KCNN3: variants seen among roughly 807,000 people sequenced by gnomAD.
KCNN3 encodes small conductance calcium-activated potassium channel protein 3.
In KCNN3, 16 loss-of-function variants were observed where a neutral mutation model predicts 62.9. The observed-to-expected ratio is 0.25, with a 90% CI of 0.17 to 0.39. KCNN3 has a LOEUF of 0.39. KCNN3 is among the 10% of genes least tolerant of loss of function. The pLI is 1.00. For missense variants in KCNN3, 599 were observed against 949.4 expected, an observed-to-expected ratio of 0.63 and a Z score of 4.85; for synonymous variants, 370 against 389.2, an observed-to-expected ratio of 0.95 and a Z score of 0.58.
chr1:154,832,011 G>T (rs1019828849), intron 1 of KCNN3, among the ~76,000 whole-genome samples: 4 of 152,006 alleles, frequency 2.6e-5, no homozygotes, highest in African/African-American at 9.7e-5. Context: ...TAGAACCCAG[G>T]TGTTGGGGCT....
At chr1:154,815,370 A>G (rs1650619695) in intron 2 of KCNN3, among the ~76,000 whole-genome samples, 1 of 151,822 alleles carries the variant, frequency 6.6e-6, no homozygotes, top group African/African-American at 2.4e-5. Context: ...CTTTGTCCTG[A>G]GCATACAAGG....
chr1:154,762,601 A>T (rs1471779215), intron 3 of KCNN3, among the ~76,000 whole-genome samples: 1 of 152,218 alleles, frequency 6.6e-6, no homozygotes, highest in East Asian at 1.9e-4. Flanking sequence ...TTCTAGCATA[A>T]CATTTGCTCT....
chr1:154,856,462 C>A (rs778235711), intron 1 of KCNN3, among the ~76,000 whole-genome samples: 2 of 152,172 alleles, frequency 1.3e-5, no homozygotes, highest in Non-Finnish European at 2.9e-5. Flanking sequence ...CTGGTGCTCA[C>A]GACCTTCCCG....
intron 1 of KCNN3, among the ~76,000 whole-genome samples, chr1:154,845,845 T>A (rs1652034463): frequency 6.6e-6 from 1 of 152,192 alleles, no homozygotes; most frequent in Admixed American, 6.5e-5. Flanking sequence ...ATAATAGTAA[T>A]AAAACCCTAA....
At chr1:154,711,092 C>A (rs1380320177) in intron 7 of KCNN3, among the ~76,000 whole-genome samples, 1 of 151,956 alleles carries the variant, frequency 6.6e-6, no homozygotes, top group Admixed American at 6.6e-5. Flanking sequence ...TGGAACCAAC[C>A]CAAATGTCTG....
chr1:154,776,563 A>G (rs1016610169), intron 2 of KCNN3, among the ~76,000 whole-genome samples: 5 of 152,032 alleles, frequency 3.3e-5, no homozygotes, highest in Non-Finnish European at 7.4e-5. Flanking sequence ...CCACGTGAGG[A>G]CACTCTATGC....
intron 3 of KCNN3, among the ~76,000 whole-genome samples, chr1:154,740,229 C>T (rs1052866951): frequency 2.2e-4 from 34 of 152,246 alleles, no homozygotes; most frequent in Middle Eastern, 3.4e-3. Context: ...GGATAGCTTA[C>T]GGGTTTTTCC....
chr1:154,834,992 C>G (rs1456709141), intron 1 of KCNN3, among the ~76,000 whole-genome samples: 1 of 152,208 alleles, frequency 6.6e-6, no homozygotes, highest in Non-Finnish European at 1.5e-5. Flanking sequence ...AACTCCCGGT[C>G]CTGACCAGCT....
chr1:154,800,454 A>T (rs755956497), intron 2 of KCNN3, among the ~76,000 whole-genome samples: 14 of 152,128 alleles, frequency 9.2e-5, no homozygotes, highest in Admixed American at 5.9e-4. Context: ...GGCTCAGAGG[A>T]TCTTTCTGGC....
intron 2 of KCNN3, among the ~76,000 whole-genome samples, chr1:154,807,068 C>T (rs2256209): frequency 0.19 from 29,028 of 152,020 alleles, 4,741 homozygotes; most frequent in African/African-American, 0.45. Flanking sequence ...CTGTAAAACT[C>T]AGCCCTGTCA....
rs367677863 is a variant in KCNN3, at chr1:154,765,391, C to G, written c.1448+6584G>C. Among the ~76,000 whole-genome samples, 5 of 152,286 alleles carry G rather than the reference C, an allele frequency of 3.3e-5. 1 individual carries two copies. The East Asian group carries it at 7.7e-4, about 23-fold the overall frequency. On this transcript the variant is annotated intron_variant, in intron 3 of 7. Transcript: ENST00000271915. ...CTATTCATCCTTTCTCTTATCTCTT[C>G]TGCATTCTGAGAGAGCTTTAAATTT... is the stretch of plus-strand genomic sequence containing the variant.
At chr1:154,863,287 A>G (rs888442222) in intron 1 of KCNN3, among the ~76,000 whole-genome samples, 1 of 152,192 alleles carries the variant, frequency 6.6e-6, no homozygotes, top group African/African-American at 2.4e-5. Context: ...CACCCGAAGA[A>G]AAGGCACTAG....
intron 1 of KCNN3, 128 bp downstream of exon 1, chr1:154,868,904 C>A (rs1653059932): frequency 1.1e-5 from 2 of 183,490 alleles, no homozygotes; most frequent in Non-Finnish European, 1.5e-5. Flanking sequence ...CTCTCAATCT[C>A]TCTCTCTCTC....
At chr1:154,820,762 T>A (rs1028273594) in intron 2 of KCNN3, among the ~76,000 whole-genome samples, 4 of 152,214 alleles carry the variant, frequency 2.6e-5, no homozygotes, top group African/African-American at 9.7e-5. Flanking sequence ...TGTCCAAGCA[T>A]CTGCAACCCT....
At chr1:154,844,468 C>G (rs774719102) in intron 1 of KCNN3, among the ~76,000 whole-genome samples, 2 of 152,198 alleles carry the variant, frequency 1.3e-5, no homozygotes, top group Non-Finnish European at 1.5e-5. Flanking sequence ...GGCATCGCGC[C>G]GGTCACACAT....
intron 1 of KCNN3, among the ~76,000 whole-genome samples, chr1:154,839,198 C>T (rs1193614031): frequency 1.3e-5 from 2 of 152,124 alleles, no homozygotes; most frequent in Non-Finnish European, 2.9e-5. Context: ...TAACCACGTG[C>T]CCACCACCAT....
intron 3 of KCNN3, among the ~76,000 whole-genome samples, chr1:154,743,787 T>G (rs944725229): frequency 3.3e-5 from 5 of 152,240 alleles, no homozygotes; most frequent in African/African-American, 9.6e-5. Flanking sequence ...ACATAAGTGT[T>G]CCCAGCACGT....
intron 1 of KCNN3, among the ~76,000 whole-genome samples, chr1:154,828,629 T>C (rs2101900213): frequency 6.6e-6 from 1 of 152,374 alleles, no homozygotes; most frequent in East Asian, 1.9e-4. Context: ...CTCTGGTTTC[T>C]TCTCTGCAAA....
chr1:154,859,568 G>A, intron 1 of KCNN3: 3 of 909,184 alleles, frequency 3.3e-6, no homozygotes, highest in Non-Finnish European at 5.6e-6. Context: ...GCCTCTCCCT[G>A]CCTCCCTGCA....
Sources: allele counts gnomAD v4.1 joint callset (sites outside exome capture counted in the v4.1 genomes callset), GRCh38; gene constraint gnomAD v4.1.1; transcripts MANE v1.5; gene names NCBI Gene and HGNC (gene_info 2026-07-23, HGNC 2026-07-21).